The following NAALADL2 variants were observed in gnomAD, a reference collection of about 807,000 sequenced individuals.
NAALADL2 encodes the protein inactive N-acetylated-alpha-linked acidic dipeptidase-like protein 2.
Under a neutral mutation model 87.2 loss-of-function variants are expected in NAALADL2, and 76 were observed. The ratio of observed to expected loss-of-function variants is 0.87; its 90% CI spans 0.72 to 1.05. The LOEUF is 1.05. Ranked by LOEUF, NAALADL2 falls within the 50% of genes least tolerant of loss-of-function variation. The pLI, the probability that NAALADL2 is intolerant of heterozygous loss-of-function variation, is 0.00. For synonymous variants in NAALADL2, 354 were observed against 331.0 expected, an observed-to-expected ratio of 1.07 and a Z score of -0.75; for missense variants, 1,089 against 945.8, an observed-to-expected ratio of 1.15 and a Z score of -1.99.
intron 9 of NAALADL2, among the ~76,000 whole-genome samples, chr3:175,551,814 C>T (rs193136828): frequency 1.7e-3 from 258 of 150,908 alleles, no homozygotes; most frequent in African/African-American, 5.6e-3. Context: ...AGGAGAATGG[C>T]GTGAACCTGG....
intron 1 of NAALADL2, among the ~76,000 whole-genome samples, chr3:174,867,158 A>G (rs941710008): frequency 1.3e-4 from 19 of 148,712 alleles, no homozygotes; most frequent in Non-Finnish European, 2.6e-4. Context: ...AATCACAAAA[A>G]TAAAAAAGGG....
chr3:174,470,355 T>C (rs1216735878), intron 1 of NAALADL2, among the ~76,000 whole-genome samples: 1 of 152,180 alleles, frequency 6.6e-6, no homozygotes, highest in East Asian at 1.9e-4. Flanking sequence ...TTATTTGGTT[T>C]TTGCTTGTTG....
chr3:174,784,836 G>GT (rs1716406943), intron 3 of NAALADL2, among the ~76,000 whole-genome samples: 1 of 152,124 alleles, frequency 6.6e-6, no homozygotes, highest in African/African-American at 2.4e-5. Flanking sequence ...TGTATAGGCA[G>GT]TTGTTCAATT....
At chr3:174,985,300 G>T (rs942656229) in intron 1 of NAALADL2, among the ~76,000 whole-genome samples, 1 of 152,166 alleles carries the variant, frequency 6.6e-6, no homozygotes, top group Non-Finnish European at 1.5e-5. Flanking sequence ...AAAATGTAAC[G>T]ATTTTAGAAG....
At chr3:175,273,131 A>T (rs1193611416) in intron 4 of NAALADL2, among the ~76,000 whole-genome samples, 2 of 152,098 alleles carry the variant, frequency 1.3e-5, no homozygotes, top group African/African-American at 4.8e-5. Flanking sequence ...TAATTGCAAA[A>T]CATTAGGTTT....
chr3:175,612,915 A>G (rs775455145), intron 10 of NAALADL2, among the ~76,000 whole-genome samples: 1 of 152,128 alleles, frequency 6.6e-6, no homozygotes, highest in Non-Finnish European at 1.5e-5. Flanking sequence ...AATTTTATTC[A>G]TTGTGTTACC....
chr3:174,898,627 A>G (rs969040036), intron 1 of NAALADL2, among the ~76,000 whole-genome samples: 1 of 152,066 alleles, frequency 6.6e-6, no homozygotes, highest in Non-Finnish European at 1.5e-5. Flanking sequence ...ATAAATTTAT[A>G]CATCTACTAT....
At chr3:175,781,757 T>C (rs1337506425) in intron 13 of NAALADL2, among the ~76,000 whole-genome samples, 1 of 151,906 alleles carries the variant, frequency 6.6e-6, no homozygotes, top group Admixed American at 6.6e-5. Flanking sequence ...CATGTGCACA[T>C]TGTGCAGGTT....
intron 3 of NAALADL2, among the ~76,000 whole-genome samples, chr3:174,746,918 A>G (rs1191541477): frequency 6.6e-6 from 1 of 152,206 alleles, no homozygotes; most frequent in Non-Finnish European, 1.5e-5. Flanking sequence ...AGCTTATACA[A>G]ACATTAAACT....
At chr3:174,575,679 T>C (rs1218731020) in intron 2 of NAALADL2, among the ~76,000 whole-genome samples, 1 of 152,204 alleles carries the variant, frequency 6.6e-6, no homozygotes, top group Non-Finnish European at 1.5e-5. Flanking sequence ...AAGTTACATA[T>C]ACTTTGTATG....
intron 1 of NAALADL2, among the ~76,000 whole-genome samples, chr3:174,925,845 A>C (rs1260987344): frequency 2.0e-5 from 3 of 152,070 alleles, no homozygotes; most frequent in Non-Finnish European, 4.4e-5. Flanking sequence ...CAACAGAACA[A>C]AGCTGGATGG....
intron 5 of NAALADL2, among the ~76,000 whole-genome samples, chr3:175,370,661 A>T (rs1472421332): frequency 5.3e-5 from 8 of 152,194 alleles, no homozygotes; most frequent in Admixed American, 5.2e-4. Context: ...CCAGCTTTCC[A>T]CATAGGCAGG....
At chr3:175,621,278 G>T (rs1233447871) in intron 10 of NAALADL2, among the ~76,000 whole-genome samples, 1 of 152,178 alleles carries the variant, frequency 6.6e-6, no homozygotes, top group Non-Finnish European at 1.5e-5. Flanking sequence ...GAGAGGGAGA[G>T]AAAGTTAATT....
At chr3:175,737,119 C>CT (rs1203269774) in intron 11 of NAALADL2, among the ~76,000 whole-genome samples, 187 bp from the exon 12 acceptor site, 2 of 151,930 alleles carry the variant, frequency 1.3e-5, no homozygotes, top group Non-Finnish European at 2.9e-5. Context: ...ATACTGAGGT[C>CT]TTTTTCTTTA....
intron 2 of NAALADL2, among the ~76,000 whole-genome samples, chr3:174,688,324 T>C (rs1241080348): frequency 5.9e-5 from 9 of 152,110 alleles, no homozygotes; most frequent in Non-Finnish European, 1.3e-4. Context: ...AGTTACCTGA[T>C]ATACAAGTAA....
intron 2 of NAALADL2, among the ~76,000 whole-genome samples, chr3:175,131,683 C>T (rs866511316): frequency 7.9e-5 from 12 of 152,124 alleles, no homozygotes; most frequent in African/African-American, 2.4e-4. Context: ...GGGTGGTGGC[C>T]GGGCAGAGGG....
intron 1 of NAALADL2, among the ~76,000 whole-genome samples, chr3:174,487,469 G>A (rs1008595798): frequency 1.3e-5 from 2 of 152,050 alleles, no homozygotes; most frequent in Non-Finnish European, 2.9e-5. Flanking sequence ...GAGGAGATTA[G>A]TTGAGTCCAC....
At chr3:174,530,667 G>A (rs1052476908) in intron 1 of NAALADL2, among the ~76,000 whole-genome samples, 2 of 152,160 alleles carry the variant, frequency 1.3e-5, no homozygotes, top group Admixed American at 6.6e-5. Flanking sequence ...AGAGAAGAGA[G>A]CTTGTGTAGG....
At chr3:175,063,743 A>G (rs776238735) in intron 1 of NAALADL2, among the ~76,000 whole-genome samples, 1 of 151,780 alleles carries the variant, frequency 6.6e-6, no homozygotes, top group East Asian at 2.0e-4. Flanking sequence ...TCTGCCTCCT[A>G]AAGTGCTGAG....
Sources: allele counts gnomAD v4.1 joint callset (sites outside exome capture counted in the v4.1 genomes callset), GRCh38; gene constraint gnomAD v4.1.1; transcripts MANE v1.5; gene names NCBI Gene and HGNC (gene_info 2026-07-23, HGNC 2026-07-21).